Variants in SLC39A11 observed in about 807,000 individuals in gnomAD.
SLC39A11 encodes the protein solute carrier family 39 member 11, also known as zinc transporter ZIP11.
In SLC39A11, 33 loss-of-function variants were observed where a neutral mutation model predicts 36.1. The observed-to-expected ratio is 0.91, with a 90% CI of 0.69 to 1.22. SLC39A11 has a LOEUF of 1.22. SLC39A11 is among the 50% of genes most tolerant of loss of function. The probability of loss-of-function intolerance (pLI) is 0.00; values close to 1 mark genes in which losing one functional copy is unlikely to be tolerated. For synonymous variants in SLC39A11, 166 were observed against 170.3 expected, an observed-to-expected ratio of 0.97 and a Z score of 0.20; for missense variants, 432 against 430.3, an observed-to-expected ratio of 1.00 and a Z score of -0.03.
intron 3 of SLC39A11, among the ~76,000 whole-genome samples, chr17:73,063,485 C>T (rs182073259): frequency 5.9e-5 from 9 of 152,146 alleles, no homozygotes; most frequent in African/African-American, 1.7e-4. Context: ...TGCAGTGGCG[C>T]GTGCCTGTAA....
At chr17:72,950,855 G>A (rs2085808424) in intron 4 of SLC39A11, among the ~76,000 whole-genome samples, 2 of 152,056 alleles carry the variant, frequency 1.3e-5, no homozygotes, top group African/African-American at 2.4e-5. Flanking sequence ...TGAGCACTGG[G>A]CATTTTGGAA....
intron 3 of SLC39A11, among the ~76,000 whole-genome samples, chr17:73,033,926 C>G (rs942934521): frequency 2.0e-5 from 3 of 152,154 alleles, no homozygotes; most frequent in Non-Finnish European, 4.4e-5. Flanking sequence ...ATTCTCCCAG[C>G]AAAAGTCTTA....
At chr17:72,803,512 T>C (rs571179815) in intron 6 of SLC39A11, among the ~76,000 whole-genome samples, 20 of 152,346 alleles carry the variant, frequency 1.3e-4, no homozygotes, top group South Asian at 6.2e-4. Flanking sequence ...GTGTGGACCA[T>C]TGAGCTCTAT....
chr17:72,778,428 C>G (rs1376736341), intron 6 of SLC39A11, among the ~76,000 whole-genome samples: 1 of 152,230 alleles, frequency 6.6e-6, no homozygotes. Context: ...GTGGCTTTTT[C>G]CTACAGTGAA....
intron 5 of SLC39A11, among the ~76,000 whole-genome samples, chr17:72,934,928 T>G (rs1567980031): frequency 6.6e-6 from 1 of 152,174 alleles, no homozygotes; most frequent in Non-Finnish European, 1.5e-5. Flanking sequence ...CAACTAGAAC[T>G]CTGCTGGGAC....
intron 5 of SLC39A11, among the ~76,000 whole-genome samples, chr17:72,860,223 A>G (rs953457661): frequency 3.3e-5 from 5 of 151,970 alleles, no homozygotes; most frequent in African/African-American, 4.8e-5. Flanking sequence ...GCTTCCTGCT[A>G]GTTTGCTAGT....
intron 4 of SLC39A11, among the ~76,000 whole-genome samples, chr17:72,989,761 C>T (rs1402608021): frequency 1.3e-5 from 2 of 152,166 alleles, no homozygotes; most frequent in Non-Finnish European, 2.9e-5. Flanking sequence ...GAAAATGAAA[C>T]AGATCATTAC....
chr17:72,721,107 TA>T (rs1480349184), intron 7 of SLC39A11, among the ~76,000 whole-genome samples: 129 of 132,326 alleles, frequency 9.7e-4, no homozygotes, highest in African/African-American at 2.9e-3. Flanking sequence ...TTTTTTTTTT[TA>T]AGTTTTGAGA....
Position 72,927,263 on chromosome 17 carries a change from T to C in SLC39A11, c.430+20489A>G, listed in dbSNP as rs188452329. Reference sequence around the variant, plus strand: ...ATAAAAAAAAAATGGGGTTTCGCCATGTTGGCCAGGCTGCTCTTGAATTCC... The same window carrying C: ...ATAAAAAAAAAATGGGGTTTCGCCACGTTGGCCAGGCTGCTCTTGAATTCC... On this transcript the variant is annotated intron_variant, in intron 5 of 9. Coordinates refer to ENST00000255559, the MANE Select transcript of SLC39A11 (RefSeq NM_139177.4). Among the ~76,000 whole-genome samples the C allele has an allele frequency of 2.5e-3, 375 of 152,244 alleles. 3 individuals carry two copies. Among genetic ancestry groups the C allele is most frequent in the African/African-American group, 8.5e-3 (352 of 41,536 alleles).
intron 4 of SLC39A11, among the ~76,000 whole-genome samples, chr17:72,977,434 T>C (rs748068738): frequency 2.6e-5 from 4 of 152,118 alleles, no homozygotes; most frequent in African/African-American, 4.8e-5. Flanking sequence ...GCTGTTAGAC[T>C]TATAATCATT....
intron 3 of SLC39A11, among the ~76,000 whole-genome samples, chr17:73,047,569 G>T (rs1423463169): frequency 6.6e-6 from 1 of 152,054 alleles, no homozygotes; most frequent in African/African-American, 2.4e-5. Flanking sequence ...CTCATATGGG[G>T]AAACAGAGGC....
intron 5 of SLC39A11, among the ~76,000 whole-genome samples, chr17:72,893,158 T>G (rs573101970): frequency 6.6e-6 from 1 of 152,134 alleles, no homozygotes; most frequent in Non-Finnish European, 1.5e-5. Context: ...CCCAATACTA[T>G]TGAATGAAAA....
At chr17:72,808,334 G>C (rs1281280001) in intron 6 of SLC39A11, among the ~76,000 whole-genome samples, 2 of 152,194 alleles carry the variant, frequency 1.3e-5, no homozygotes. Context: ...ACTCCATCTT[G>C]GCTTCTAGCC....
intron 5 of SLC39A11, among the ~76,000 whole-genome samples, chr17:72,887,556 C>A (rs1374047132): frequency 2.0e-5 from 3 of 152,212 alleles, no homozygotes; most frequent in Non-Finnish European, 4.4e-5. Context: ...AGTTTCCCGT[C>A]TTCCGTCATA....
chr17:72,895,100 GGT>G (rs2081963904), intron 5 of SLC39A11, among the ~76,000 whole-genome samples: 1 of 151,382 alleles, frequency 6.6e-6, no homozygotes, highest in African/African-American at 2.5e-5. Flanking sequence ...TGCATTGGTG[GGT>G]GCTAGTCGCA....
intron 6 of SLC39A11, among the ~76,000 whole-genome samples, chr17:72,819,255 C>T (rs1231419922): frequency 1.3e-5 from 2 of 151,112 alleles, no homozygotes; most frequent in African/African-American, 4.8e-5. Context: ...ATCGGACATA[C>T]ATAAAGAGAA....
chr17:72,912,531 C>T (rs2083076531), intron 5 of SLC39A11, among the ~76,000 whole-genome samples: 1 of 150,346 alleles, frequency 6.7e-6, no homozygotes, highest in Non-Finnish European at 1.5e-5. Flanking sequence ...AATTCCTGGG[C>T]TCAAGTGATT....
intron 4 of SLC39A11, among the ~76,000 whole-genome samples, chr17:72,963,006 G>A (rs2086713617): frequency 6.6e-6 from 1 of 151,906 alleles, no homozygotes; most frequent in South Asian, 2.1e-4. Flanking sequence ...CTCTTTTAAG[G>A]GCTCACCTCA....
intron 5 of SLC39A11, among the ~76,000 whole-genome samples, chr17:72,930,047 TAC>T (rs962694039): frequency 6.6e-6 from 1 of 152,190 alleles, no homozygotes; most frequent in African/African-American, 2.4e-5. Flanking sequence ...ACTTTTAAAA[TAC>T]AGTTTCTGAG....
Sources: gnomAD v4.1 joint callset for allele counts (sites outside exome capture counted in the v4.1 genomes callset) on GRCh38, gnomAD v4.1.1 for gene constraint, MANE v1.5 for transcripts, NCBI Gene and HGNC (gene_info 2026-07-23, HGNC 2026-07-21) for gene names.